Variants in STXBP5 observed in about 807,000 individuals in gnomAD.
STXBP5 encodes the protein syntaxin binding protein 5.
In STXBP5, 50 loss-of-function variants were observed where a neutral mutation model predicts 152.4. The ratio of observed to expected loss-of-function variants is 0.33; its 90% CI spans 0.26 to 0.42. The LOEUF is 0.42. Among genes scored for constraint, STXBP5 ranks in the 10% least tolerant of loss-of-function variants. STXBP5 has a pLI of 1.00. For missense variants in STXBP5, 1,167 were observed against 1,388.6 expected (o/e 0.84, Z 2.54); for synonymous variants, 492 against 494.7 (o/e 0.99, Z 0.07).
At chr6:147,289,155 C>T (rs906181461) in intron 8 of STXBP5, among the ~76,000 whole-genome samples, 24 of 152,166 alleles carry the variant, frequency 1.6e-4, no homozygotes, top group African/African-American at 4.8e-4. Context: ...TCCCTGGCGC[C>T]GGCTGCCAAT....
chr6:147,306,511 A>T (rs1041771827), intron 9 of STXBP5, among the ~76,000 whole-genome samples: 1 of 152,234 alleles, frequency 6.6e-6, no homozygotes, highest in African/African-American at 2.4e-5. Flanking sequence ...GAATGCTATC[A>T]TACAAAAGTA....
intron 22 of STXBP5, among the ~76,000 whole-genome samples, chr6:147,356,593 G>T (rs1328880195): frequency 6.6e-6 from 1 of 151,736 alleles, no homozygotes; most frequent in Non-Finnish European, 1.5e-5. Context: ...GCAAAAGAAA[G>T]ACATTTTTAG....
intron 4 of STXBP5, among the ~76,000 whole-genome samples, chr6:147,241,832 T>C (rs115379215): frequency 6.6e-6 from 1 of 152,220 alleles, no homozygotes; most frequent in South Asian, 2.1e-4. Flanking sequence ...ACTAACCTAT[T>C]GTGCTACCAG....
At chr6:147,291,420 C>G (rs532453155) in intron 9 of STXBP5, among the ~76,000 whole-genome samples, 14 of 152,122 alleles carry the variant, frequency 9.2e-5, no homozygotes, top group Admixed American at 2.6e-4. Flanking sequence ...TGTTAAACTT[C>G]GTGCCTTCTC....
Position 147,300,072 on chromosome 6 carries a change from G to GA in STXBP5, c.917+8906dup, listed in dbSNP as rs920313572. On this transcript the variant is annotated intron_variant, in intron 9 of 27. Transcript: ENST00000321680. ...GACAATCTCATTTACAATAGCTACT[G>GA]AAAAAAGATAGCTAGGATTAAATTT... Among the ~76,000 whole-genome samples, 12 of 151,856 alleles carry GA rather than the reference G, an allele frequency of 7.9e-5. No individual in the cohort carries two copies. The East Asian group carries it at 1.9e-3, about 24-fold the overall frequency.
intron 11 of STXBP5, among the ~76,000 whole-genome samples, chr6:147,313,139 T>C (rs899359748): frequency 6.6e-6 from 1 of 152,190 alleles, no homozygotes; most frequent in Non-Finnish European, 1.5e-5. Context: ...AAGGGACTAT[T>C]TGGAAATTTC....
At chr6:147,277,220 A>G (rs1321538966) in intron 7 of STXBP5, among the ~76,000 whole-genome samples, 1 of 152,078 alleles carries the variant, frequency 6.6e-6, no homozygotes, top group East Asian at 1.9e-4. Flanking sequence ...AAATAAATAG[A>G]TGACATGATA....
At chr6:147,351,066 T>A (rs1653337826) in intron 21 of STXBP5, among the ~76,000 whole-genome samples, 2 of 152,208 alleles carry the variant, frequency 1.3e-5, no homozygotes, top group South Asian at 4.1e-4. Context: ...TATATAGACG[T>A]ACTGGGATTA....
intron 18 of STXBP5, among the ~76,000 whole-genome samples, chr6:147,331,514 G>A (rs1783566962): frequency 6.6e-6 from 1 of 152,130 alleles, no homozygotes; most frequent in African/African-American, 2.4e-5. Flanking sequence ...ATAAAATGAA[G>A]GTGGTGACTC....
chr6:147,325,040 A>G lies in STXBP5; in HGVS notation c.1884A>G (p.Pro628=). Residue 628 remains proline, a synonymous_variant, in exon 17 of 28, where the codon CCA becomes CCG. Coordinates refer to ENST00000321680, the MANE Select transcript of STXBP5 (RefSeq NM_001127715.4). The stretch of plus-strand genomic sequence containing the variant: ...AGTTGGTTTGGGTGGGTGGAGAACC[A>G]CCACAACAAATAACCAGCCTGGCAG... The part of the protein sequence containing the change: ...VIQLVWVGGE[P]PQQITSLAVN... The G allele has an allele frequency of 1.3e-6, 2 of 1,593,330 alleles. No individual in the cohort carries two copies. Among genetic ancestry groups the G allele is most frequent in the Non-Finnish European group, 1.7e-6 (2 of 1,167,394 alleles).
At chr6:147,296,620 G>T (rs1374105698) in intron 9 of STXBP5, among the ~76,000 whole-genome samples, 1 of 152,134 alleles carries the variant, frequency 6.6e-6, no homozygotes, top group African/African-American at 2.4e-5. Flanking sequence ...ATTCTTCAGT[G>T]ACAGAATCCA....
intron 8 of STXBP5, among the ~76,000 whole-genome samples, chr6:147,279,721 T>C (rs930006107): frequency 2.0e-5 from 3 of 152,224 alleles, no homozygotes; most frequent in African/African-American, 4.8e-5. Flanking sequence ...TTTTTCTTAA[T>C]GTATTTTGTT....
chr6:147,324,672 C>T (rs553840312), intron 16 of STXBP5, among the ~76,000 whole-genome samples: 2 of 151,968 alleles, frequency 1.3e-5, no homozygotes, highest in South Asian at 2.1e-4. Context: ...CTCCCCAGCC[C>T]TCCCTGCCTT....
chr6:147,372,397 C>A (rs1434538965), intron 25 of STXBP5, among the ~76,000 whole-genome samples: 3 of 116,416 alleles, frequency 2.6e-5, no homozygotes, highest in Non-Finnish European at 3.5e-5. Flanking sequence ...ATGTTACTAC[C>A]GTCCTTTTCC....
chr6:147,314,582 A>T lies in STXBP5; in HGVS notation c.1362-14A>T, dbSNP rs1782547591. ...TAATTTTATTCATCACATTCTTAAC[A>T]TTGCTTTTCTTAGGCATGCTGATGG... On this transcript the variant is annotated splice_polypyrimidine_tract_variant and intron_variant, in intron 13 of 27. Coordinates refer to ENST00000321680, the MANE Select transcript of STXBP5 (RefSeq NM_001127715.4). 1 of 1,607,594 alleles carries T rather than the reference A, an allele frequency of 6.2e-7. No individual in the cohort carries two copies. Among genetic ancestry groups the T allele is most frequent in the Non-Finnish European group, 8.5e-7 (1 of 1,177,760 alleles).
intron 5 of STXBP5, 108 bp downstream of exon 5, chr6:147,260,857 A>G (rs1779608400): frequency 2.3e-6 from 3 of 1,316,956 alleles, no homozygotes; most frequent in Non-Finnish European, 1.0e-6. Context: ...TATGTGACAG[A>G]TGTTCTTAAT....
intron 8 of STXBP5, among the ~76,000 whole-genome samples, chr6:147,286,478 AT>A (rs1450240979): frequency 6.6e-6 from 1 of 152,182 alleles, no homozygotes; most frequent in Non-Finnish European, 1.5e-5. Context: ...GTCAAAACTC[AT>A]CTGATTGTAC....
At chr6:147,287,498 G>A (rs1256213756) in intron 8 of STXBP5, among the ~76,000 whole-genome samples, 2 of 152,078 alleles carry the variant, frequency 1.3e-5, no homozygotes, top group South Asian at 2.1e-4. Context: ...CACCGCGCCC[G>A]GCCTGTACAT....
intron 22 of STXBP5, among the ~76,000 whole-genome samples, chr6:147,358,767 T>C (rs1784925190): frequency 6.6e-6 from 1 of 152,100 alleles, no homozygotes; most frequent in Admixed American, 6.6e-5. Context: ...AGAAAACGTA[T>C]TTACTATTCC....
Sources: gnomAD v4.1 joint callset for allele counts (sites outside exome capture counted in the v4.1 genomes callset) on GRCh38, gnomAD v4.1.1 for gene constraint, MANE v1.5 for transcripts, NCBI Gene and HGNC (gene_info 2026-07-23, HGNC 2026-07-21) for gene names.